The following SLC4A7 variants were observed in gnomAD, a reference collection of about 807,000 sequenced individuals.
SLC4A7 encodes solute carrier family 4 member 7, also known as sodium bicarbonate cotransporter 3.
Under a neutral mutation model 137.6 loss-of-function variants are expected in SLC4A7, and 51 were observed. The ratio of observed to expected loss-of-function variants is 0.37; its 90% CI spans 0.30 to 0.47. The LOEUF (loss-of-function observed/expected upper bound fraction) is 0.47. SLC4A7 is among the 20% of genes least tolerant of loss of function. The probability of loss-of-function intolerance (pLI) is 1.00; values close to 1 mark genes in which losing one functional copy is unlikely to be tolerated. For synonymous variants in SLC4A7, 542 were observed against 518.6 expected (o/e 1.05, Z -0.61); for missense variants, 1,247 against 1,525.4 (o/e 0.82, Z 3.04).
At position 27,448,733 on chromosome 3, in the gene SLC4A7, C is replaced by T. The variant is rs574452437; in HGVS notation, c.207G>A (p.Arg69=). The T allele has an allele frequency of 1.9e-6, 3 of 1,612,720 alleles. No homozygotes were observed. The highest frequency in any genetic ancestry group is 1.7e-5 in the Admixed American group (1 of 59,942). ...PFSKESRRRH[R]HRGHKHHHRR... is the part of the protein sequence containing the mutation. ...GGTGGTGATGTTTGTGTCCGCGATG[C>T]CTATGACGCCGACGACTCTCTTTAC... The change falls in exon 3 of 26, where the codon AGG becomes AGA. Residue 69 remains arginine, a synonymous_variant. Coordinates refer to ENST00000454389, the MANE Select transcript of SLC4A7 (RefSeq NM_001321103.2).
intron 3 of SLC4A7, among the ~76,000 whole-genome samples, chr3:27,441,233 T>C (rs537015638): frequency 6.6e-6 from 1 of 152,294 alleles, no homozygotes; most frequent in Admixed American, 6.5e-5. Context: ...TTGCTAGGAA[T>C]TTTCTAATCC....
In SLC4A7 at chr3:27,420,797, T is replaced by C; in HGVS notation, c.1425-10A>G. On this transcript the variant is annotated splice_polypyrimidine_tract_variant and intron_variant, in intron 9 of 25. Coordinates refer to ENST00000454389, the MANE Select transcript of SLC4A7 (RefSeq NM_001321103.2). ...TAACAAAAACAAAAACCTAAGGAAA[T>C]ATGAAAATACAGATTTTAAAATAAA... 2 of 1,588,294 alleles carry C rather than the reference T, an allele frequency of 1.3e-6. No homozygotes were observed. The highest frequency in any genetic ancestry group is 2.7e-5 in the African/African-American group (2 of 74,350).
chr3:27,400,642 A>ATT, intron 16 of SLC4A7, 122 bp downstream of exon 16: 2 of 623,940 alleles, frequency 3.2e-6, no homozygotes, highest in Non-Finnish European at 5.6e-6. Context: ...TCAAAATAAC[A>ATT]CTACATTCTG....
At chr3:27,428,394 A>T (rs2055882378) in intron 7 of SLC4A7, 1 of 154,422 alleles carries the variant, frequency 6.5e-6, no homozygotes. Flanking sequence ...AAAAGCACTT[A>T]TCGCTGTCTC....
chr3:27,461,916 T>G (rs1159512459), intron 1 of SLC4A7, among the ~76,000 whole-genome samples: 1 of 151,904 alleles, frequency 6.6e-6, no homozygotes, highest in Non-Finnish European at 1.5e-5. Flanking sequence ...GACCCAAGAT[T>G]GTACCACTGC....
chr3:27,450,480 A>T (rs1320133084), intron 2 of SLC4A7, among the ~76,000 whole-genome samples: 6 of 152,104 alleles, frequency 3.9e-5, no homozygotes, highest in African/African-American at 1.4e-4. Flanking sequence ...AAAAAAACTC[A>T]ATTTTATTTT....
chr3:27,378,176 G>C (rs2050079292), intron 25 of SLC4A7, among the ~76,000 whole-genome samples: 1 of 152,124 alleles, frequency 6.6e-6, no homozygotes, highest in South Asian at 2.1e-4. Context: ...TGAGAAATTA[G>C]AACTCAGATG....
At chr3:27,405,022 A>C in intron 13 of SLC4A7, 59 bp from the exon 14 acceptor site, 1 of 1,209,326 alleles carries the variant, frequency 8.3e-7, no homozygotes, top group South Asian at 1.9e-5. Flanking sequence ...TCTCTAACGT[A>C]CTATAATACA....
chr3:27,387,163 A>G (rs543634439), intron 22 of SLC4A7, among the ~76,000 whole-genome samples: 1 of 152,326 alleles, frequency 6.6e-6, no homozygotes, highest in East Asian at 1.9e-4. Flanking sequence ...GCACACGAAC[A>G]GTGAAGTAGA....
At chr3:27,443,024 CTTTTTTTCTT>C (rs890088681) in intron 3 of SLC4A7, among the ~76,000 whole-genome samples, 16 of 102,148 alleles carry the variant, frequency 1.6e-4, no homozygotes, top group African/African-American at 6.0e-4. Flanking sequence ...TCTCTTTTTT[CTTTTTTTCTT>C]TTTTTTTTTT....
At chr3:27,447,640 C>CTTTTTTTTTTTT (rs71087609) in intron 3 of SLC4A7, among the ~76,000 whole-genome samples, 4 of 99,722 alleles carry the variant, frequency 4.0e-5, no homozygotes, top group African/African-American at 4.2e-5. Context: ...TTTTACAGCC[C>CTTTTTTTTTTTT]TTTTTTTTTT....
chr3:27,386,108 T>G (rs917295296), intron 22 of SLC4A7, 85 bp from the exon 23 acceptor site: 39 of 1,094,038 alleles, frequency 3.6e-5, no homozygotes, highest in Non-Finnish European at 5.0e-5. Context: ...TATTAAATCT[T>G]ATAAAAAATG....
At chr3:27,430,627 T>G (rs1475436578) in intron 7 of SLC4A7, among the ~76,000 whole-genome samples, 1 of 146,184 alleles carries the variant, frequency 6.8e-6, no homozygotes, top group African/African-American at 2.5e-5. Flanking sequence ...AAAAAAAAGT[T>G]CACCCAGCCT....
At chr3:27,454,234 G>A (rs2058269192) in intron 1 of SLC4A7, among the ~76,000 whole-genome samples, 1 of 152,180 alleles carries the variant, frequency 6.6e-6, no homozygotes, top group East Asian at 1.9e-4. Context: ...GGGAGGCCGA[G>A]GTTGGTGGAT....
intron 12 of SLC4A7, among the ~76,000 whole-genome samples, chr3:27,410,032 A>G (rs1315998894): frequency 6.6e-6 from 1 of 152,216 alleles, no homozygotes; most frequent in East Asian, 1.9e-4. Flanking sequence ...AAAAACTTTC[A>G]AAACTAGTAC....
At chr3:27,435,016 A>C (rs990765295) in intron 5 of SLC4A7, among the ~76,000 whole-genome samples, 3 of 152,180 alleles carry the variant, frequency 2.0e-5, no homozygotes, top group Admixed American at 6.5e-5. Flanking sequence ...AATATTCCCA[A>C]CCTTAATTTT....
intron 22 of SLC4A7, among the ~76,000 whole-genome samples, chr3:27,387,170 T>A (rs1190881957): frequency 6.6e-6 from 1 of 152,206 alleles, no homozygotes; most frequent in Non-Finnish European, 1.5e-5. Context: ...AACAGTGAAG[T>A]AGATGGCAAA....
chr3:27,446,451 T>C (rs1453221229), intron 3 of SLC4A7, among the ~76,000 whole-genome samples: 1 of 152,180 alleles, frequency 6.6e-6, no homozygotes, highest in African/African-American at 2.4e-5. Context: ...TCAAATATTT[T>C]CTTCATTATA....
intron 3 of SLC4A7, among the ~76,000 whole-genome samples, chr3:27,447,293 T>C (rs1448991702): frequency 2.0e-5 from 3 of 152,182 alleles, no homozygotes; most frequent in African/African-American, 7.2e-5. Flanking sequence ...TGGTTATATA[T>C]TAAAAATACT....
Sources: allele counts gnomAD v4.1 joint callset (sites outside exome capture counted in the v4.1 genomes callset), GRCh38; gene constraint gnomAD v4.1.1; transcripts MANE v1.5; gene names NCBI Gene and HGNC (gene_info 2026-07-23, HGNC 2026-07-21).